CEP128: variants seen among roughly 807,000 people sequenced by gnomAD.
The protein encoded by CEP128 is centrosomal protein 128kDa.
CEP128 carries 132 observed loss-of-function variants against 156.7 expected under a neutral mutation model. That is an observed-to-expected ratio of 0.84 (90% CI 0.73 to 0.97). CEP128 has a LOEUF of 0.97. Among genes scored for constraint, CEP128 ranks in the 50% least tolerant of loss-of-function variants. CEP128 has a pLI of 0.00. For missense variants in CEP128, 1,252 were observed against 1,281.9 expected (o/e 0.98, Z 0.36); for synonymous variants, 469 against 448.9 (o/e 1.04, Z -0.57).
intron 2 of CEP128, chr14:80,957,649 C>T (rs773478710): frequency 2.0e-5 from 3 of 152,152 alleles, no homozygotes; most frequent in Non-Finnish European, 4.4e-5. Flanking sequence ...AACTCGTAGA[C>T]ATCCTGTTTA....
At chr14:80,627,995 C>T (rs2140706022) in intron 19 of CEP128, among the ~76,000 whole-genome samples, 2 of 152,216 alleles carry the variant, frequency 1.3e-5, no homozygotes, top group South Asian at 4.1e-4. Flanking sequence ...TTTGAAATAT[C>T]CTCAGCACAG....
At chr14:80,581,946 A>C (rs1321817496) in intron 19 of CEP128, among the ~76,000 whole-genome samples, 1 of 152,200 alleles carries the variant, frequency 6.6e-6, no homozygotes, top group Non-Finnish European at 1.5e-5. Flanking sequence ...GGTGAATAGA[A>C]TATAGCTGAA....
intron 19 of CEP128, among the ~76,000 whole-genome samples, chr14:80,654,666 C>A (rs1595158982): frequency 1.3e-5 from 2 of 152,226 alleles, no homozygotes; most frequent in South Asian, 4.1e-4. Flanking sequence ...TAATCTTCAT[C>A]TTTAATGTTC....
At chr14:80,573,239 CTTTT>C (rs1435590317) in intron 20 of CEP128, among the ~76,000 whole-genome samples, 3 of 152,038 alleles carry the variant, frequency 2.0e-5, no homozygotes. Context: ...TTACTACTAA[CTTTT>C]TAAATAAACT....
intron 19 of CEP128, among the ~76,000 whole-genome samples, chr14:80,643,096 C>A (rs994000314): frequency 2.6e-5 from 4 of 152,174 alleles, no homozygotes; most frequent in Non-Finnish European, 5.9e-5. Context: ...GCATCTAAAT[C>A]TAAACTTGTT....
intron 8 of CEP128, among the ~76,000 whole-genome samples, chr14:80,863,742 G>C (rs1000044974): frequency 1.3e-5 from 2 of 152,102 alleles, no homozygotes; most frequent in Non-Finnish European, 1.5e-5. Flanking sequence ...ATCAAGAAAA[G>C]TCCTGACAAG....
chr14:80,522,585 C>A (rs1888793577), intron 23 of CEP128, among the ~76,000 whole-genome samples: 1 of 152,226 alleles, frequency 6.6e-6, no homozygotes, highest in South Asian at 2.1e-4. Context: ...ATGCCTTCTG[C>A]AATTTTACTA....
At chr14:80,935,646 CAAAAAAAAA>C (rs375122664) in intron 2 of CEP128, among the ~76,000 whole-genome samples, 4 of 51,608 alleles carry the variant, frequency 7.8e-5, no homozygotes, top group Non-Finnish European at 1.3e-4. Flanking sequence ...GTCCCCCCAC[CAAAAAAAAA>C]AAAAAAAAAA....
chr14:80,627,740 CT>C (rs11287309), intron 19 of CEP128, among the ~76,000 whole-genome samples: 85,566 of 129,424 alleles, frequency 0.66, 27,687 homozygotes, highest in Middle Eastern at 0.75. Flanking sequence ...TTATTATTTT[CT>C]TTTTTTTTTT....
At chr14:80,493,257 T>C (rs1202590257), downstream of CEP128, among the ~76,000 whole-genome samples, 1 of 152,156 alleles carries the variant, frequency 6.6e-6, no homozygotes, top group African/African-American at 2.4e-5. Context: ...GTAACTTCAG[T>C]TTCCTGAAAC....
chr14:80,774,291 A>C (rs1055551594), intron 16 of CEP128, among the ~76,000 whole-genome samples: 3 of 152,168 alleles, frequency 2.0e-5, no homozygotes, highest in Non-Finnish European at 4.4e-5. Context: ...CAAGGCTTTA[A>C]AAAAAAGGCT....
chr14:80,540,712 C>T (rs1245016524), intron 21 of CEP128, among the ~76,000 whole-genome samples: 1 of 152,144 alleles, frequency 6.6e-6, no homozygotes, highest in African/African-American at 2.4e-5. Context: ...AGGAGAAGGT[C>T]TTGTGGAGTT....
chr14:80,517,605 T>A (rs1406430998), intron 23 of CEP128, among the ~76,000 whole-genome samples: 3 of 152,246 alleles, frequency 2.0e-5, no homozygotes, highest in South Asian at 4.1e-4. Flanking sequence ...ATAATTTCAA[T>A]CATTTTAACT....
intron 13 of CEP128, among the ~76,000 whole-genome samples, chr14:80,828,028 G>A (rs1288295593): frequency 6.6e-6 from 1 of 152,038 alleles, no homozygotes; most frequent in Non-Finnish European, 1.5e-5. Flanking sequence ...ACCAATGTAA[G>A]GGCACCAAAG....
intron 18 of CEP128, among the ~76,000 whole-genome samples, chr14:80,755,739 G>C (rs965191128): frequency 1.3e-5 from 2 of 152,138 alleles, no homozygotes; most frequent in Non-Finnish European, 2.9e-5. Flanking sequence ...ATAGTTCATG[G>C]GAATTATAGT....
intron 23 of CEP128, among the ~76,000 whole-genome samples, chr14:80,519,531 T>C (rs1888640682): frequency 1.3e-5 from 2 of 152,258 alleles, no homozygotes; most frequent in South Asian, 4.1e-4. Flanking sequence ...CCTGAATTTG[T>C]CTCTAGCCTA....
At chr14:80,773,225 C>T (rs1900610680) in intron 16 of CEP128, among the ~76,000 whole-genome samples, 1 of 152,116 alleles carries the variant, frequency 6.6e-6, no homozygotes, top group Non-Finnish European at 1.5e-5. Context: ...TTAAATTATT[C>T]CTTCACTAAT....
At chr14:80,920,440 A>G (rs772908400) in intron 2 of CEP128, among the ~76,000 whole-genome samples, 16 of 152,246 alleles carry the variant, frequency 1.1e-4, no homozygotes, top group Non-Finnish European at 2.1e-4. Context: ...CTCAAAAAGA[A>G]AAGTACAAAG....
intron 4 of CEP128, among the ~76,000 whole-genome samples, chr14:80,908,595 A>C (rs1282998470): frequency 6.6e-6 from 1 of 152,172 alleles, no homozygotes; most frequent in African/African-American, 2.4e-5. Context: ...TTTCTTGAAC[A>C]TGTTATTCAT....
Sources: allele counts gnomAD v4.1 joint callset (sites outside exome capture counted in the v4.1 genomes callset), GRCh38; gene constraint gnomAD v4.1.1; transcripts MANE v1.5; gene names NCBI Gene and HGNC (gene_info 2026-07-23, HGNC 2026-07-21).